Variants in ADAMTSL3 observed in about 807,000 individuals in gnomAD.
ADAMTSL3 encodes the protein ADAMTS-like protein 3.
ADAMTSL3 carries 128 observed loss-of-function variants against 201.7 expected under a neutral mutation model. That is an observed-to-expected ratio of 0.63 (90% CI 0.55 to 0.73). The LOEUF (loss-of-function observed/expected upper bound fraction) is 0.73, where lower values mean the gene tolerates loss of function less well. ADAMTSL3 is among the 30% of genes least tolerant of loss of function. ADAMTSL3 has a pLI of 0.00. For synonymous variants in ADAMTSL3, 738 were observed against 748.4 expected, an observed-to-expected ratio of 0.99 and a Z score of 0.23; for missense variants, 1,990 against 2,119.6, an observed-to-expected ratio of 0.94 and a Z score of 1.20.
Position 83,885,125 on chromosome 15 carries a change from A to C in ADAMTSL3, c.985A>C (p.Ser329Arg). The C allele has an allele frequency of 6.2e-7, 1 of 1,614,116 alleles. No individual in the cohort carries two copies. Reference sequence around the variant, plus strand: ...GACCAGGTACACTGCAGCCAAAGACAGCGTGGTTCAGTTCTTCTTTTACCA... The same window carrying C: ...GACCAGGTACACTGCAGCCAAAGACCGCGTGGTTCAGTTCTTCTTTTACCA... ...FKTRYTAAKD[S>R]VVQFFFYQPI... Residue 329 changes from serine (S) to arginine (R), a missense_variant, in exon 10 of 30, where the codon AGC (serine) becomes CGC (arginine). Coordinates refer to ENST00000286744, the MANE Select transcript of ADAMTSL3 (RefSeq NM_207517.3).
intron 2 of ADAMTSL3, among the ~76,000 whole-genome samples, chr15:83,659,117 C>G (rs560873505): frequency 1.3e-5 from 2 of 152,328 alleles, no homozygotes; most frequent in South Asian, 4.1e-4. Flanking sequence ...TCTGTCCTCT[C>G]CCATTTCCTG....
At chr15:83,995,806 G>C (rs2067677083) in intron 23 of ADAMTSL3, among the ~76,000 whole-genome samples, 1 of 152,050 alleles carries the variant, frequency 6.6e-6, no homozygotes, top group Admixed American at 6.6e-5. Context: ...AGCACATATG[G>C]CTGAGAATAG....
chr15:83,832,895 A>G (rs1315706475), intron 6 of ADAMTSL3, among the ~76,000 whole-genome samples: 1 of 152,182 alleles, frequency 6.6e-6, no homozygotes, highest in Non-Finnish European at 1.5e-5. Context: ...TTTGTATTAG[A>G]GGCACGACCT....
chr15:83,907,935 A>T (rs1469480420), intron 15 of ADAMTSL3, among the ~76,000 whole-genome samples: 1 of 152,192 alleles, frequency 6.6e-6, no homozygotes, highest in Non-Finnish European at 1.5e-5. Flanking sequence ...TTTATTTTTA[A>T]GTCTTTGAGA....
At chr15:84,029,173 T>C (rs1053306451) in intron 27 of ADAMTSL3, among the ~76,000 whole-genome samples, 2 of 152,174 alleles carry the variant, frequency 1.3e-5, no homozygotes, top group African/African-American at 4.8e-5. Flanking sequence ...TGGAACTGGG[T>C]AACAGGCACA....
chr15:83,870,022 A>G (rs932363604), intron 8 of ADAMTSL3, among the ~76,000 whole-genome samples: 6 of 152,218 alleles, frequency 3.9e-5, no homozygotes, highest in Non-Finnish European at 7.3e-5. Context: ...AAGAGGGAGG[A>G]AAGACAGAAA....
chr15:83,807,874 A>G (rs539540357), intron 5 of ADAMTSL3, among the ~76,000 whole-genome samples: 1 of 152,374 alleles, frequency 6.6e-6, no homozygotes, highest in East Asian at 1.9e-4. Context: ...GGTGCCAAGA[A>G]TACACACTGG....
intron 3 of ADAMTSL3, among the ~76,000 whole-genome samples, chr15:83,714,663 T>TCCTCCCTC (rs552621265): frequency 1.3e-5 from 2 of 148,226 alleles, no homozygotes; most frequent in African/African-American, 2.5e-5. Context: ...CTCTCTCCCT[T>TCCTCCCTC]CCTCCCTCCC....
In ADAMTSL3 at chr15:83,901,903, C is replaced by T. The variant is rs146054596; in HGVS notation, c.1700+2172C>T. The stretch of plus-strand genomic sequence containing the variant: ...AGTCCTTTGTCTAGAATGATGGGTC[C>T]TACCAAGATCTTTTGCTTTCAAAAC... On this transcript the variant is annotated intron_variant, in intron 15 of 29. Coordinates refer to ENST00000286744, the MANE Select transcript of ADAMTSL3 (RefSeq NM_207517.3). Among the ~76,000 whole-genome samples the T allele has an allele frequency of 3.5e-4, 53 of 152,288 alleles. No individual in the cohort carries two copies. In the East Asian group the frequency reaches 9.8e-3, roughly 28 times the overall value.
At chr15:83,668,838 G>C (rs1344960896) in intron 2 of ADAMTSL3, among the ~76,000 whole-genome samples, 2 of 152,150 alleles carry the variant, frequency 1.3e-5, no homozygotes, top group Non-Finnish European at 2.9e-5. Flanking sequence ...TCTGCTCTGT[G>C]TGTCTCCCAT....
intron 17 of ADAMTSL3, among the ~76,000 whole-genome samples, chr15:83,936,231 C>A: frequency 6.6e-6 from 1 of 151,482 alleles, no homozygotes; most frequent in Non-Finnish European, 1.5e-5. Flanking sequence ...GCCCTTATAC[C>A]ATTTGTTAAG....
chr15:83,823,566 T>C (rs1416894098), intron 6 of ADAMTSL3, among the ~76,000 whole-genome samples: 1 of 152,238 alleles, frequency 6.6e-6, no homozygotes, highest in Non-Finnish European at 1.5e-5. Flanking sequence ...CAAAGATTAC[T>C]TTTAATTTAG....
chr15:83,929,459 T>G (rs1369518497), intron 17 of ADAMTSL3, among the ~76,000 whole-genome samples: 1 of 152,174 alleles, frequency 6.6e-6, no homozygotes, highest in Admixed American at 6.5e-5. Flanking sequence ...TCCACACTTC[T>G]CCTTTTCATA....
chr15:83,852,959 T>A (rs1242760467), intron 7 of ADAMTSL3, among the ~76,000 whole-genome samples: 1 of 152,018 alleles, frequency 6.6e-6, no homozygotes, highest in African/African-American at 2.4e-5. Context: ...TGGGTTCAAG[T>A]GATTCTCCAG....
intron 4 of ADAMTSL3, among the ~76,000 whole-genome samples, chr15:83,781,157 A>C (rs1340567482): frequency 6.6e-6 from 1 of 152,260 alleles, no homozygotes; most frequent in Non-Finnish European, 1.5e-5. Flanking sequence ...TAGCCAAGGC[A>C]GTCCTAAACA....
At chr15:83,958,818 AAAG>A (rs2066904353) in intron 19 of ADAMTSL3, among the ~76,000 whole-genome samples, 1 of 152,006 alleles carries the variant, frequency 6.6e-6, no homozygotes, top group Non-Finnish European at 1.5e-5. Context: ...ACGGTTTAGA[AAAG>A]AATTTTTAAA....
intron 3 of ADAMTSL3, among the ~76,000 whole-genome samples, chr15:83,771,721 A>G (rs2062986963): frequency 6.6e-6 from 1 of 152,184 alleles, no homozygotes; most frequent in Non-Finnish European, 1.5e-5. Context: ...TGTCTTGGCT[A>G]TTGCAAACAA....
chr15:83,924,121 G>A (rs747791478), intron 17 of ADAMTSL3, 88 bp downstream of exon 17: 9 of 1,513,216 alleles, frequency 5.9e-6, no homozygotes, highest in East Asian at 2.4e-5. Context: ...GCAGACTTGT[G>A]GCTTCACCCA....
chr15:83,767,125 C>T (rs1381549342), intron 3 of ADAMTSL3, among the ~76,000 whole-genome samples: 1 of 151,980 alleles, frequency 6.6e-6, no homozygotes, highest in African/African-American at 2.4e-5. Context: ...TATCGATGAG[C>T]CTTGGACACA....
Sources: gnomAD v4.1 joint callset for allele counts (sites outside exome capture counted in the v4.1 genomes callset) on GRCh38, gnomAD v4.1.1 for gene constraint, MANE v1.5 for transcripts, NCBI Gene and HGNC (gene_info 2026-07-23, HGNC 2026-07-21) for gene names.